The following TAMM41 variants were observed in gnomAD, a reference collection of about 807,000 sequenced individuals.
TAMM41 encodes TAM41 mitochondrial translocator assembly and maintenance homolog.
Under a neutral mutation model 44.1 loss-of-function variants are expected in TAMM41, and 36 were observed. The observed-to-expected ratio is 0.82, with a 90% confidence interval of 0.63 to 1.08. The LOEUF is 1.08. TAMM41 is among the 50% of genes least tolerant of loss of function. The pLI, the probability that TAMM41 is intolerant of heterozygous loss-of-function variation, is 0.00. For synonymous variants in TAMM41, 164 were observed against 153.1 expected, an observed-to-expected ratio of 1.07 and a Z score of -0.53; for missense variants, 417 against 404.3, an observed-to-expected ratio of 1.03 and a Z score of -0.27.
intron 5 of TAMM41, 115 bp from the exon 6 acceptor site, chr3:11,809,797 T>C: frequency 9.6e-7 from 1 of 1,038,026 alleles, no homozygotes; most frequent in Non-Finnish European, 1.4e-6. Context: ...CCCACACCCC[T>C]GGCGAGGCAG....
At chr3:11,846,127 C>G (rs1018209171) in intron 1 of TAMM41, among the ~76,000 whole-genome samples, 1 of 152,260 alleles carries the variant, frequency 6.6e-6, no homozygotes, top group Non-Finnish European at 1.5e-5. Flanking sequence ...AAATCAGAAT[C>G]TCCATCGGCG....
At chr3:11,838,780 C>T (rs2079299340) in intron 3 of TAMM41, among the ~76,000 whole-genome samples, 1 of 152,026 alleles carries the variant, frequency 6.6e-6, no homozygotes, top group Admixed American at 6.6e-5. Flanking sequence ...AATCTCCAGC[C>T]CTTTTCCCCT....
At chr3:11,803,683 C>G (rs1451681561) in intron 7 of TAMM41, among the ~76,000 whole-genome samples, 1 of 152,206 alleles carries the variant, frequency 6.6e-6, no homozygotes, top group African/African-American at 2.4e-5. Context: ...AAGTGTCCAT[C>G]AATGGAGGAC....
At chr3:11,752,650 T>TTTTTTTTTTTTTTTTTTTTG in the TAMM41 span, among the ~76,000 whole-genome samples, 1 of 122,880 alleles carries the variant, frequency 8.1e-6, no homozygotes, top group Non-Finnish European at 1.6e-5. Flanking sequence ...TTTTTTTTTT[T>TTTTTTTTTTTTTTTTTTTTG]TTTTTGAGAC....
rs74967437 is a variant in TAMM41 at position 11,790,894 on chromosome 3, C to A, written c.938-313G>T. On this transcript the variant is annotated intron_variant, in intron 7 of 7. Coordinates refer to ENST00000455809, the MANE Select transcript of TAMM41 (RefSeq NM_001284401.2). ...ATTTAGCTCTTTCAAAAAGGTAGGA[C>A]AAGGATAAGACTCTGTATGCCACTG... Among the ~76,000 whole-genome samples, 399 of 152,300 alleles carry A rather than the reference C, an allele frequency of 2.6e-3. 2 individuals are homozygous for A. Among genetic ancestry groups the A allele is most frequent in the African/African-American group, 8.7e-3 (362 of 41,552 alleles).
At chr3:11,841,779 C>G (rs2079456812) in intron 2 of TAMM41, among the ~76,000 whole-genome samples, 1 of 152,104 alleles carries the variant, frequency 6.6e-6, no homozygotes, top group Admixed American at 6.5e-5. Flanking sequence ...TAGCTGCAGG[C>G]AAGTAACCAC....
At chr3:11,750,638 G>T in the TAMM41 span, among the ~76,000 whole-genome samples, 155 of 152,260 alleles carry the variant, frequency 1.0e-3, 4 homozygotes, top group East Asian at 0.029. Flanking sequence ...GCTACTGACA[G>T]ATCTGGAGAA....
At chr3:11,806,342 C>T (rs2077908769) in intron 7 of TAMM41, among the ~76,000 whole-genome samples, 1 of 152,182 alleles carries the variant, frequency 6.6e-6, no homozygotes, top group Non-Finnish European at 1.5e-5. Context: ...AGAGTATTCT[C>T]CTACTCTGCT....
chr3:11,812,416 C>T (rs148999385), intron 5 of TAMM41, among the ~76,000 whole-genome samples: 1 of 152,274 alleles, frequency 6.6e-6, no homozygotes, highest in Non-Finnish European at 1.5e-5. Context: ...GAATCAATCA[C>T]CATTACGCTG....
At chr3:11,837,911 C>T (rs76765053) in intron 3 of TAMM41, among the ~76,000 whole-genome samples, 107 of 152,282 alleles carry the variant, frequency 7.0e-4, no homozygotes, top group African/African-American at 2.4e-3. Context: ...GACTGTGACC[C>T]GGCTTCTACT....
At chr3:11,733,000 G>GTTT in the TAMM41 span, among the ~76,000 whole-genome samples, 10 of 85,550 alleles carry the variant, frequency 1.2e-4, no homozygotes, top group Admixed American at 1.3e-4. Flanking sequence ...TTTTTTTTTT[G>GTTT]TTTGTTTGTT....
chr3:11,827,400 C>T (rs1408433293), intron 4 of TAMM41, among the ~76,000 whole-genome samples: 6 of 151,368 alleles, frequency 4.0e-5, no homozygotes, highest in African/African-American at 1.5e-4. Flanking sequence ...ACCTCCACCT[C>T]GCCGGTTCAA....
At chr3:11,803,810 T>C (rs989273894) in intron 7 of TAMM41, among the ~76,000 whole-genome samples, 4 of 152,168 alleles carry the variant, frequency 2.6e-5, no homozygotes, top group African/African-American at 9.7e-5. Flanking sequence ...GGAGGCCACG[T>C]GTATAAGTGA....
chr3:11,792,507 A>G (rs1459808592), intron 7 of TAMM41, among the ~76,000 whole-genome samples: 1 of 152,200 alleles, frequency 6.6e-6, no homozygotes, highest in African/African-American at 2.4e-5. Flanking sequence ...GCGTAGGTGC[A>G]CTTCTGTGCA....
the TAMM41 span, among the ~76,000 whole-genome samples, chr3:11,725,256 TCTCCTTTTCTTC>T: frequency 1.5e-4 from 11 of 74,682 alleles, no homozygotes; most frequent in African/African-American, 4.6e-4. Context: ...CCCTCCTCCT[TCTCCTTTTCTTC>T]CTCCCTCTTC....
the TAMM41 span, among the ~76,000 whole-genome samples, chr3:11,780,755 G>A: frequency 6.6e-6 from 1 of 152,140 alleles, no homozygotes; most frequent in East Asian, 1.9e-4. Context: ...ACTTATCAGA[G>A]AAATCTAATT....
At chr3:11,822,250 C>T (rs910379103) in intron 4 of TAMM41, among the ~76,000 whole-genome samples, 3 of 152,076 alleles carry the variant, frequency 2.0e-5, no homozygotes, top group Non-Finnish European at 2.9e-5. Flanking sequence ...GGACTGCAGC[C>T]CAAACTGGAT....
intron 7 of TAMM41, among the ~76,000 whole-genome samples, chr3:11,798,415 C>T (rs1191295862): frequency 6.6e-6 from 1 of 152,092 alleles, no homozygotes; most frequent in Admixed American, 6.6e-5. Context: ...CCAAATGCTG[C>T]ATATTCTCAC....
At chr3:11,777,480 G>T in the TAMM41 span, among the ~76,000 whole-genome samples, 4 of 152,128 alleles carry the variant, frequency 2.6e-5, no homozygotes. Flanking sequence ...ACATACCATA[G>T]AATTCAGCCA....
Sources: gnomAD v4.1 joint callset for allele counts (sites outside exome capture counted in the v4.1 genomes callset) on GRCh38, gnomAD v4.1.1 for gene constraint, MANE v1.5 for transcripts, NCBI Gene and HGNC (gene_info 2026-07-23, HGNC 2026-07-21) for gene names.